The following CLVS1 variants were observed in gnomAD, a reference collection of about 807,000 sequenced individuals.
The protein encoded by CLVS1 is clavesin 1, also known as clavesin-1.
A neutral mutation model predicts 33.1 loss-of-function variants in CLVS1; 10 were observed. The observed-to-expected ratio is 0.30, with a 90% CI of 0.19 to 0.51. CLVS1 has a LOEUF of 0.51. CLVS1 is among the 20% of genes least tolerant of loss of function. The pLI is 0.97. For missense variants in CLVS1, 343 were observed against 433.4 expected, an observed-to-expected ratio of 0.79 and a Z score of 1.85; for synonymous variants, 163 against 166.1, an observed-to-expected ratio of 0.98 and a Z score of 0.14.
chr8:61,296,042 G>GA (rs1258400098), intron 1 of CLVS1, among the ~76,000 whole-genome samples: 1 of 152,124 alleles, frequency 6.6e-6, no homozygotes, highest in Non-Finnish European at 1.5e-5. Flanking sequence ...TCCTTTATGT[G>GA]AACAAAAGAT....
At chr8:61,496,171 T>C (rs1350178030) in intron 5 of CLVS1, among the ~76,000 whole-genome samples, 1 of 152,128 alleles carries the variant, frequency 6.6e-6, no homozygotes, top group Non-Finnish European at 1.5e-5. Flanking sequence ...TCTAGATGAG[T>C]CACTGTTTCC....
intron 3 of CLVS1, among the ~76,000 whole-genome samples, chr8:61,429,789 A>T (rs1816043949): frequency 6.6e-6 from 1 of 152,252 alleles, no homozygotes; most frequent in South Asian, 2.1e-4. Flanking sequence ...TAAAATACTT[A>T]TAAGAATTTG....
At chr8:60,966,592 C>G in the CLVS1 span, 1 of 247,888 alleles carries the variant, frequency 4.0e-6, no homozygotes, top group Non-Finnish European at 8.3e-6. Context: ...ACATATCTTT[C>G]TGGGTCCCAG....
chr8:61,465,178 T>C (rs1331222866), intron 5 of CLVS1: 1 of 152,292 alleles, frequency 6.6e-6, no homozygotes, highest in African/African-American at 2.4e-5. Flanking sequence ...TGAACAGCAC[T>C]GTAATCTCCA....
At chr8:61,158,245 CAT>C (rs1363171530) in intron 2 of CLVS1, among the ~76,000 whole-genome samples, 1 of 152,086 alleles carries the variant, frequency 6.6e-6, no homozygotes, top group African/African-American at 2.4e-5. Context: ...TGATTCTACT[CAT>C]ATAAGATTCG....
At chr8:61,105,590 G>C (rs550985307) in intron 1 of CLVS1, among the ~76,000 whole-genome samples, 20 of 152,298 alleles carry the variant, frequency 1.3e-4, no homozygotes, top group African/African-American at 4.8e-4. Flanking sequence ...CCTTCCACAC[G>C]CCAGGTACTC....
chr8:61,036,867 C>T, the CLVS1 span, among the ~76,000 whole-genome samples: 1 of 152,214 alleles, frequency 6.6e-6, no homozygotes, highest in Non-Finnish European at 1.5e-5. Context: ...GCTTATCATT[C>T]TGCCTTTCTT....
chr8:61,193,527 A>G (rs1807539507), intron 2 of CLVS1, among the ~76,000 whole-genome samples: 1 of 152,070 alleles, frequency 6.6e-6, no homozygotes, highest in South Asian at 2.1e-4. Flanking sequence ...ATAAAAAAAA[A>G]AGAAAAACTC....
At chr8:60,984,181 C>T in the CLVS1 span, among the ~76,000 whole-genome samples, 5 of 152,212 alleles carry the variant, frequency 3.3e-5, no homozygotes, top group Non-Finnish European at 4.4e-5. Flanking sequence ...CTCATTCCAG[C>T]ACCTGCTTTC....
chr8:61,449,772 A>ACT (rs992839291), intron 3 of CLVS1, among the ~76,000 whole-genome samples: 61 of 151,898 alleles, frequency 4.0e-4, no homozygotes, highest in African/African-American at 1.4e-3. Flanking sequence ...ATTCTGGGAA[A>ACT]CTCTCTATTG....
rs1816078847 is a variant in CLVS1 at position 61,430,697 on chromosome 8, T to C, written c.631-23444T>C. ...GCCAGGTCCTGCTCTCAGGACAATATCAAATTAGGGTTCAGTGTGTGCCAA... is the reference window on the plus strand; with the variant it reads ...GCCAGGTCCTGCTCTCAGGACAATACCAAATTAGGGTTCAGTGTGTGCCAA... On this transcript the variant is annotated intron_variant, in intron 3 of 5. Transcript: ENST00000325897. Among the ~76,000 whole-genome samples, 3 of 152,126 alleles carry C rather than the reference T, an allele frequency of 2.0e-5. No individual in the cohort carries two copies. In the South Asian group the frequency reaches 6.2e-4, roughly 32 times the overall value.
At chr8:61,120,735 G>A (rs1805842961) in intron 1 of CLVS1, among the ~76,000 whole-genome samples, 2 of 143,632 alleles carry the variant, frequency 1.4e-5, no homozygotes, top group Non-Finnish European at 3.0e-5. Context: ...CCCGTTCTCA[G>A]ATCTCCAGCT....
chr8:61,475,246 G>A (rs1167296722), intron 5 of CLVS1, among the ~76,000 whole-genome samples: 14 of 152,096 alleles, frequency 9.2e-5, no homozygotes, highest in South Asian at 8.3e-4. Context: ...GAATAGTGCC[G>A]CAATAAACAT....
intron 1 of CLVS1, among the ~76,000 whole-genome samples, chr8:61,094,042 C>T (rs956647637): frequency 2.6e-5 from 4 of 152,238 alleles, no homozygotes; most frequent in African/African-American, 7.2e-5. Flanking sequence ...GCCTCGGGCT[C>T]ACTGTGCACA....
intron 2 of CLVS1, among the ~76,000 whole-genome samples, chr8:61,137,897 G>C (rs180987835): frequency 1.3e-5 from 2 of 152,272 alleles, no homozygotes; most frequent in East Asian, 3.9e-4. Context: ...GCTGATAGGT[G>C]CTTCTGGGAT....
the CLVS1 span, among the ~76,000 whole-genome samples, chr8:60,977,301 A>T: frequency 6.6e-6 from 1 of 152,234 alleles, no homozygotes; most frequent in Non-Finnish European, 1.5e-5. Flanking sequence ...AAATAGGAAA[A>T]TATGGTTCAT....
intron 5 of CLVS1, among the ~76,000 whole-genome samples, chr8:61,490,799 A>G (rs975262970): frequency 6.6e-6 from 1 of 151,922 alleles, no homozygotes; most frequent in Non-Finnish European, 1.5e-5. Flanking sequence ...TCTCTACTAA[A>G]AATACAAAAT....
chr8:61,334,198 T>C (rs372063771), intron 2 of CLVS1, among the ~76,000 whole-genome samples: 5 of 152,130 alleles, frequency 3.3e-5, no homozygotes, highest in African/African-American at 1.2e-4. Context: ...AGAGGCATGA[T>C]TGGATAGTAG....
At chr8:61,345,573 G>A (rs1812184839) in intron 2 of CLVS1, among the ~76,000 whole-genome samples, 1 of 151,610 alleles carries the variant, frequency 6.6e-6, no homozygotes, top group Non-Finnish European at 1.5e-5. Flanking sequence ...ATGTTCCCTC[G>A]AATATGGTGC....
Sources: gnomAD v4.1 joint callset for allele counts (sites outside exome capture counted in the v4.1 genomes callset) on GRCh38, gnomAD v4.1.1 for gene constraint, MANE v1.5 for transcripts, NCBI Gene and HGNC (gene_info 2026-07-23, HGNC 2026-07-21) for gene names.